ZNF423: variants seen among roughly 807,000 people sequenced by gnomAD.
ZNF423 encodes zinc finger protein 423, also known as Ebf-associated zinc finger protein.
A neutral mutation model predicts 95.8 loss-of-function variants in ZNF423; 12 were observed. That is an observed-to-expected ratio of 0.13 (90% confidence interval 0.08 to 0.20). The LOEUF is 0.20. ZNF423 is among the 10% of genes least tolerant of loss of function. The probability of loss-of-function intolerance (pLI) is 1.00; values close to 1 mark genes in which losing one functional copy is unlikely to be tolerated. For synonymous variants in ZNF423, 749 were observed against 711.9 expected (o/e 1.05, Z -0.83); for missense variants, 1,316 against 1,737.1 (o/e 0.76, Z 4.31).
chr16:49,736,848 A>G (rs899808822), intron 2 of ZNF423, among the ~76,000 whole-genome samples: 22 of 152,172 alleles, frequency 1.4e-4, no homozygotes, highest in African/African-American at 5.3e-4. Flanking sequence ...GCCCTTAAGA[A>G]AGGGCTTGCA....
chr16:49,739,923 A>G (rs1347958096), intron 2 of ZNF423, among the ~76,000 whole-genome samples: 1 of 151,866 alleles, frequency 6.6e-6, no homozygotes, highest in Non-Finnish European at 1.5e-5. Flanking sequence ...TAGTGGCACA[A>G]TCTCGGCTCA....
upstream of ZNF423, among the ~76,000 whole-genome samples, chr16:49,856,996 A>G (rs920815181): frequency 5.6e-5 from 8 of 143,618 alleles, no homozygotes; most frequent in African/African-American, 2.1e-4. Context: ...TCCGCGCTCC[A>G]GCCGGCGCCG....
intron 3 of ZNF423, among the ~76,000 whole-genome samples, chr16:49,679,222 G>A (rs558841730): frequency 5.3e-5 from 8 of 152,354 alleles, no homozygotes; most frequent in South Asian, 2.1e-4. Context: ...TGGAGCGACC[G>A]CTGCAAAGAT....
intron 2 of ZNF423, among the ~76,000 whole-genome samples, chr16:49,768,130 T>A (rs2033962058): frequency 6.6e-6 from 1 of 152,206 alleles, no homozygotes; most frequent in African/African-American, 2.4e-5. Flanking sequence ...AGGCTGGCAA[T>A]TTCAGCGCTG....
At chr16:49,710,151 G>C (rs967853226) in intron 3 of ZNF423, among the ~76,000 whole-genome samples, 3 of 152,192 alleles carry the variant, frequency 2.0e-5, no homozygotes, top group South Asian at 4.1e-4. Context: ...ACAGTTGCTA[G>C]AGATAGCGAG....
At chr16:49,692,449 C>T (rs543398014) in intron 3 of ZNF423, among the ~76,000 whole-genome samples, 1 of 152,198 alleles carries the variant, frequency 6.6e-6, no homozygotes, top group South Asian at 2.1e-4. Context: ...CAAGACCCCA[C>T]CCAAACTGAC....
chr16:49,518,062 G>A (rs1196747387), intron 7 of ZNF423: 20 of 451,600 alleles, frequency 4.4e-5, no homozygotes, highest in Admixed American at 4.3e-4. Context: ...CAATCTGGAG[G>A]AGCATAACCA....
intron 5 of ZNF423, among the ~76,000 whole-genome samples, chr16:49,580,461 G>C (rs1321601817): frequency 7.9e-5 from 12 of 152,128 alleles, no homozygotes; most frequent in Admixed American, 7.9e-4. Context: ...TCATTCCCCA[G>C]AGCCCAGCAA....
At chr16:49,585,092 C>T (rs1970786672) in intron 5 of ZNF423, among the ~76,000 whole-genome samples, 1 of 152,194 alleles carries the variant, frequency 6.6e-6, no homozygotes, top group African/African-American at 2.4e-5. Context: ...GACTGTTTCT[C>T]CCCAGCCACC....
chr16:49,785,866 G>A (rs1039888700), intron 2 of ZNF423, among the ~76,000 whole-genome samples: 3 of 152,236 alleles, frequency 2.0e-5, no homozygotes, highest in Non-Finnish European at 2.9e-5. Flanking sequence ...GGCAAGGCAG[G>A]AGAAGTTGGG....
intron 2 of ZNF423, among the ~76,000 whole-genome samples, chr16:49,738,312 A>G (rs527879076): frequency 8.5e-5 from 13 of 152,124 alleles, no homozygotes; most frequent in Non-Finnish European, 1.5e-4. Context: ...GCCCAAGAGG[A>G]TACGCTAAGT....
At chr16:49,668,581 C>T (rs1476692503) in intron 3 of ZNF423, among the ~76,000 whole-genome samples, 1 of 152,234 alleles carries the variant, frequency 6.6e-6, no homozygotes, top group African/African-American at 2.4e-5. Flanking sequence ...AGGGCCCAAG[C>T]TGACCCCTGG....
chr16:49,778,248 G>T (rs1303163344), intron 2 of ZNF423, among the ~76,000 whole-genome samples: 1 of 152,230 alleles, frequency 6.6e-6, no homozygotes, highest in Admixed American at 6.5e-5. Flanking sequence ...AATGTTAAGG[G>T]AATGTCAGCT....
chr16:49,662,832 A>G (rs908980921), intron 3 of ZNF423, among the ~76,000 whole-genome samples: 1 of 152,234 alleles, frequency 6.6e-6, no homozygotes, highest in Admixed American at 6.5e-5. Context: ...AAGCCAGAGC[A>G]TGCAAACTTT....
At chr16:49,500,688 G>T (rs1355706280) in intron 7 of ZNF423, among the ~76,000 whole-genome samples, 1 of 152,042 alleles carries the variant, frequency 6.6e-6, no homozygotes, top group East Asian at 1.9e-4. Context: ...GCTGAAGTGG[G>T]AGGATCACTT....
chr16:49,746,984 TGCTAGA>T (rs1339280723), intron 2 of ZNF423, among the ~76,000 whole-genome samples: 1 of 152,062 alleles, frequency 6.6e-6, no homozygotes, highest in African/African-American at 2.4e-5. Flanking sequence ...TCCGGAGATA[TGCTAGA>T]ACCACCGGGA....
intron 2 of ZNF423, among the ~76,000 whole-genome samples, chr16:49,758,018 A>C (rs1488703137): frequency 6.6e-6 from 1 of 152,126 alleles, no homozygotes. Context: ...CCTCTCATCA[A>C]ACTCTGAGTG....
At chr16:49,726,512 AC>A (rs938270535) in intron 3 of ZNF423, among the ~76,000 whole-genome samples, 1 of 152,128 alleles carries the variant, frequency 6.6e-6, no homozygotes, top group African/African-American at 2.4e-5. Flanking sequence ...AGTTTAAAGG[AC>A]CCAAATTTGC....
chr16:49,601,241 G>A (rs1422263483), intron 5 of ZNF423, among the ~76,000 whole-genome samples: 2 of 152,188 alleles, frequency 1.3e-5, no homozygotes, highest in African/African-American at 2.4e-5. Flanking sequence ...GCCATACCAC[G>A]CGGGTTCCCA....
Sources: allele counts gnomAD v4.1 joint callset (sites outside exome capture counted in the v4.1 genomes callset), GRCh38; gene constraint gnomAD v4.1.1; transcripts MANE v1.5; gene names NCBI Gene and HGNC (gene_info 2026-07-23, HGNC 2026-07-21).